Variants in DCC observed in about 807,000 individuals in gnomAD.
DCC encodes DCC netrin 1 receptor.
In DCC, 58 loss-of-function variants were observed where a neutral mutation model predicts 172.5. The observed-to-expected ratio is 0.34, with a 90% confidence interval of 0.27 to 0.42. The LOEUF (loss-of-function observed/expected upper bound fraction) is 0.42, where lower values mean the gene tolerates loss of function less well. DCC is among the 10% of genes least tolerant of loss of function. The pLI is 1.00. For synonymous variants in DCC, 709 were observed against 644.5 expected (o/e 1.10, Z -1.52); for missense variants, 1,740 against 1,791.0 (o/e 0.97, Z 0.51).
At chr18:53,236,291 C>T (rs2056202033) in intron 12 of DCC, among the ~76,000 whole-genome samples, 2 of 152,090 alleles carry the variant, frequency 1.3e-5, no homozygotes, top group African/African-American at 4.8e-5. Flanking sequence ...AGTTACATCA[C>T]CTTGTGGCTT....
At chr18:53,523,794 A>G (rs2094839129) in intron 27 of DCC, among the ~76,000 whole-genome samples, 1 of 151,812 alleles carries the variant, frequency 6.6e-6, no homozygotes, top group Admixed American at 6.6e-5. Context: ...CATTAGGACA[A>G]CTAATGTAGA....
At chr18:53,258,608 T>G (rs1351748731) in intron 12 of DCC, among the ~76,000 whole-genome samples, 1 of 152,244 alleles carries the variant, frequency 6.6e-6, no homozygotes, top group Non-Finnish European at 1.5e-5. Context: ...CTTTTACATT[T>G]GCTGAGGAGT....
intron 1 of DCC, among the ~76,000 whole-genome samples, chr18:52,342,213 G>A (rs531612310): frequency 6.6e-6 from 1 of 152,166 alleles, no homozygotes; most frequent in Non-Finnish European, 1.5e-5. Flanking sequence ...GCTTGCACTC[G>A]GGCTCAGCTC....
intron 1 of DCC, among the ~76,000 whole-genome samples, chr18:52,414,374 G>A (rs1318129835): frequency 6.6e-6 from 1 of 152,136 alleles, no homozygotes; most frequent in African/African-American, 2.4e-5. Flanking sequence ...ATGAGGAAAT[G>A]AGACTTTAAT....
intron 1 of DCC, among the ~76,000 whole-genome samples, chr18:52,485,922 TAAAA>T (rs559980687): frequency 6.6e-6 from 1 of 152,048 alleles, no homozygotes; most frequent in Non-Finnish European, 1.5e-5. Context: ...ATTTTTATGA[TAAAA>T]AAAGCATGCA....
At chr18:52,970,827 G>C (rs905192616) in intron 5 of DCC, among the ~76,000 whole-genome samples, 3 of 152,106 alleles carry the variant, frequency 2.0e-5, no homozygotes, top group African/African-American at 7.2e-5. Context: ...GTAACAAGTG[G>C]AGCTTGGGGT....
intron 1 of DCC, among the ~76,000 whole-genome samples, chr18:52,407,396 C>T (rs1411090952): frequency 1.3e-5 from 2 of 152,016 alleles, no homozygotes; most frequent in South Asian, 2.1e-4. Context: ...GATATATTTT[C>T]GGTTGTCCAG....
At chr18:53,008,711 T>C (rs2143869392) in intron 5 of DCC, among the ~76,000 whole-genome samples, 1 of 151,936 alleles carries the variant, frequency 6.6e-6, no homozygotes, top group Non-Finnish European at 1.5e-5. Context: ...ACACTATACA[T>C]ACAGCTCTTA....
At position 53,464,999 on chromosome 18, in the gene DCC, AAAG is replaced by A. The variant is rs2045602628; in HGVS notation, c.3620-2893_3620-2891del. Among the ~76,000 whole-genome samples the A allele has an allele frequency of 2.0e-5, 3 of 151,416 alleles. No homozygotes were observed. In the East Asian group the frequency reaches 5.8e-4, roughly 29 times the overall value. ...AATCTCAAAAAAAAAAAAAAAAAAAAAAGAGAAGAAAAAAAGAAAAAGAAAACT... is the reference window on the plus strand; with the variant it reads ...AATCTCAAAAAAAAAAAAAAAAAAAAAGAAGAAAAAAAGAAAAAGAAAACT... On this transcript the variant is annotated intron_variant, in intron 24 of 28. Coordinates refer to ENST00000442544, the MANE Select transcript of DCC (RefSeq NM_005215.4).
rs1164883929 is a variant in DCC at position 52,752,207 on chromosome 18, C to T, written c.245C>T (p.Ala82Val). The T allele has an allele frequency of 1.2e-6, 2 of 1,614,084 alleles. No homozygotes were observed. Among genetic ancestry groups the T allele is most frequent in the East Asian group, 4.5e-5 (2 of 44,860 alleles). ...IKWKKDGIHL[A>V]LGMDERKQQL... ...TGGAAGAAAGATGGCATTCATCTGG[C>T]CTTGGGAATGGATGAAAGGAAGCAG... The change falls in exon 2 of 29, where the codon GCC becomes GTC. Residue 82 changes from alanine to valine, a missense_variant. By Grantham distance (64) the Ala-to-Val change is moderately conservative (BLOSUM62 0). Coordinates refer to ENST00000442544, the MANE Select transcript of DCC (RefSeq NM_005215.4).
intron 12 of DCC, among the ~76,000 whole-genome samples, chr18:53,232,727 A>G (rs2056141836): frequency 6.6e-6 from 1 of 152,066 alleles, no homozygotes; most frequent in African/African-American, 2.4e-5. Context: ...CATTCCAGCA[A>G]TCTTCTCTAC....
intron 1 of DCC, among the ~76,000 whole-genome samples, chr18:52,597,516 T>A (rs202064240): frequency 0.38 from 58,363 of 151,762 alleles, 11,280 homozygotes; most frequent in African/African-American, 0.41. Flanking sequence ...TTTAAGCAAT[T>A]TTTTTCTGTT....
intron 1 of DCC, among the ~76,000 whole-genome samples, chr18:52,532,285 C>T (rs938848378): frequency 1.3e-5 from 2 of 152,152 alleles, no homozygotes; most frequent in Non-Finnish European, 2.9e-5. Context: ...AATGTGAGGA[C>T]TTCTTATCAA....
At chr18:53,459,523 CCT>C (rs1568145633) in intron 24 of DCC, 65 bp downstream of exon 24, 1 of 1,019,648 alleles carries the variant, frequency 9.8e-7, no homozygotes, top group Admixed American at 1.7e-5. Flanking sequence ...GTTTTTCACT[CCT>C]TTTATGGAAA....
rs573136434 is a variant in DCC at position 53,211,248 on chromosome 18, G to A, written c.1861+3431G>A. ...CTTTGCCTTTACCTTTCATCCTCAC[G>A]ATACTACTAAAATTTTCCCTACTTT... On this transcript the variant is annotated intron_variant, in intron 11 of 28. Transcript: ENST00000442544. Among the ~76,000 whole-genome samples the A allele has an allele frequency of 2.6e-5, 4 of 152,170 alleles. No homozygotes were observed. In the East Asian group the frequency reaches 7.7e-4, roughly 29 times the overall value.
chr18:53,285,806 C>G (rs954917788), intron 12 of DCC, among the ~76,000 whole-genome samples: 1 of 152,242 alleles, frequency 6.6e-6, no homozygotes, highest in Non-Finnish European at 1.5e-5. Flanking sequence ...AGGGGTAGAG[C>G]TGCCAAATAC....
intron 1 of DCC, among the ~76,000 whole-genome samples, chr18:52,410,640 G>A (rs952932370): frequency 6.6e-6 from 1 of 152,088 alleles, no homozygotes; most frequent in Non-Finnish European, 1.5e-5. Flanking sequence ...CAGCTGTGAA[G>A]AAAGCTAGTT....
chr18:53,033,603 G>A (rs547438394), intron 5 of DCC, among the ~76,000 whole-genome samples: 17 of 152,144 alleles, frequency 1.1e-4, no homozygotes, highest in African/African-American at 3.4e-4. Context: ...TCCTTGAGAC[G>A]CTAACAGCAT....
intron 1 of DCC, among the ~76,000 whole-genome samples, chr18:52,411,781 A>T (rs985036235): frequency 2.0e-5 from 3 of 152,254 alleles, no homozygotes; most frequent in Admixed American, 2.0e-4. Context: ...GATCCTACCT[A>T]CCTGATACAA....
Sources: allele counts gnomAD v4.1 joint callset (sites outside exome capture counted in the v4.1 genomes callset), GRCh38; gene constraint gnomAD v4.1.1; transcripts MANE v1.5; gene names NCBI Gene and HGNC (gene_info 2026-07-23, HGNC 2026-07-21).